Variants in NIBAN2 observed in about 807,000 individuals in gnomAD.
NIBAN2 encodes the protein niban apoptosis regulator 2, also known as protein Niban 2.
In NIBAN2, 36 loss-of-function variants were observed where a neutral mutation model predicts 81.8. The ratio of observed to expected loss-of-function variants is 0.44; its 90% CI spans 0.34 to 0.58. The LOEUF (loss-of-function observed/expected upper bound fraction) is 0.58, where lower values mean the gene tolerates loss of function less well. Among genes scored for constraint, NIBAN2 ranks in the 20% least tolerant of loss-of-function variants. The pLI, the probability that NIBAN2 is intolerant of heterozygous loss-of-function variation, is 0.02. For synonymous variants in NIBAN2, 445 were observed against 441.6 expected, an observed-to-expected ratio of 1.01 and a Z score of -0.10; for missense variants, 897 against 1,014.1, an observed-to-expected ratio of 0.88 and a Z score of 1.57.
intron 8 of NIBAN2, among the ~76,000 whole-genome samples, chr9:127,515,403 C>A (rs1355092092): frequency 6.6e-6 from 1 of 151,970 alleles, no homozygotes; most frequent in African/African-American, 2.4e-5. Context: ...CGCCTGTAGT[C>A]CCAGCTACTC....
Position 127,533,081 on chromosome 9 carries a change from C to G in NIBAN2, c.56-1303G>C, listed in dbSNP as rs574398184. On this transcript the variant is annotated intron_variant, in intron 1 of 13. Coordinates refer to ENST00000373312, the MANE Select transcript of NIBAN2 (RefSeq NM_022833.4). ...GCTGAGACAGGAGAATCACTTGAAC[C>G]CAGGAGGCAGAGGTTGCAATGAACC... 2.0e-5 allele frequency among the ~76,000 whole-genome samples: 3 copies of G among 151,500 alleles called. No individual in the cohort carries two copies. The East Asian group carries it at 5.8e-4, about 29-fold the overall frequency.
At chr9:127,562,744 C>T (rs1040385389) in intron 1 of NIBAN2, among the ~76,000 whole-genome samples, 4 of 152,206 alleles carry the variant, frequency 2.6e-5, no homozygotes, top group Non-Finnish European at 5.9e-5. Flanking sequence ...AAAAGAAACA[C>T]ACACAGTGGC....
intron 2 of NIBAN2, among the ~76,000 whole-genome samples, chr9:127,528,636 T>G (rs1837121876): frequency 6.6e-6 from 1 of 152,116 alleles, no homozygotes; most frequent in Admixed American, 6.5e-5. Context: ...CAATAGGACC[T>G]GCAGGCTTCT....
chr9:127,529,968 G>A (rs1057442354), intron 2 of NIBAN2, among the ~76,000 whole-genome samples: 6 of 152,164 alleles, frequency 3.9e-5, no homozygotes, highest in Admixed American at 2.6e-4. Context: ...TGCCTCCCCA[G>A]ACTTAAATGA....
In NIBAN2 at chr9:127,559,923, A is replaced by T. The variant is rs547764140; in HGVS notation, c.55+8897T>A. Among the ~76,000 whole-genome samples, 8 of 152,322 alleles carry T rather than the reference A, an allele frequency of 5.3e-5. No homozygotes were observed. In the East Asian group the frequency reaches 1.5e-3, roughly 29 times the overall value. On this transcript the variant is annotated intron_variant, in intron 1 of 13. Coordinates refer to ENST00000373312, the MANE Select transcript of NIBAN2 (RefSeq NM_022833.4). This position sits in a 1 kb window ranked among gnomAD's most constrained non-coding sequence, Gnocchi z 4.0. ...AAGCACAAAGAGCTAAGGCCACATC[A>T]TCTCACCGACCCTGCACAACAGCCT... is the stretch of plus-strand genomic sequence containing the variant.
rs146201580 is a variant in NIBAN2 at position 127,531,757 on chromosome 9, G to T, written c.77C>A (p.Thr26Lys). Residue 26 changes from threonine (T) to lysine (K), a missense_variant, in exon 2 of 14, where the codon ACG becomes AAG. Around this residue, in one of 3 missense-constraint regions of NIBAN2, gnomAD observed 209 missense variants for 208.4 expected, o/e 1.00. Transcript: ENST00000373312. ...GTCTTCATAGAACTGGAGGAACTCC[G>T]TCAGGATCTTCCCGGTTTTTTCTGG... ...HIAEKTGKIL[T>K]EFLQFYEDQY... is the part of the protein sequence containing the mutation. The T allele has an allele frequency of 9.3e-6, 15 of 1,614,088 alleles. No individual in the cohort carries two copies. The African/African-American group carries it at 1.5e-4, about 16-fold the overall frequency.
At chr9:127,574,669 A>T (rs2132248401) in intron 1 of NIBAN2, among the ~76,000 whole-genome samples, 1 of 152,246 alleles carries the variant, frequency 6.6e-6, no homozygotes, top group East Asian at 1.9e-4. Flanking sequence ...ACCAGGAGAA[A>T]AAAAACAAAC....
chr9:127,556,417 T>C (rs1837671617), intron 1 of NIBAN2, among the ~76,000 whole-genome samples: 5 of 152,176 alleles, frequency 3.3e-5, no homozygotes, highest in Admixed American at 3.3e-4. Flanking sequence ...CAGAGAGCTT[T>C]GGGATCCCCA....
chr9:127,531,926 T>C (rs1813071199), intron 1 of NIBAN2, 148 bp from the exon 2 acceptor site: 1 of 1,123,040 alleles, frequency 8.9e-7, no homozygotes, highest in Admixed American at 2.7e-5. Context: ...TGCGCTGCAT[T>C]TCTGGCCAGA....
intron 1 of NIBAN2, among the ~76,000 whole-genome samples, chr9:127,532,021 T>C (rs923644080): frequency 2.0e-5 from 3 of 152,056 alleles, no homozygotes; most frequent in Admixed American, 6.5e-5. Context: ...AGACAGAGAA[T>C]CAAACAAATG....
chr9:127,557,429 C>G (rs949642206), intron 1 of NIBAN2, among the ~76,000 whole-genome samples: 1 of 150,176 alleles, frequency 6.7e-6, no homozygotes, highest in Non-Finnish European at 1.5e-5. Flanking sequence ...GGCCTCCCAT[C>G]TACAGAGCTG....
At chr9:127,544,137 ACATTC>A (rs1448933933) in intron 1 of NIBAN2, among the ~76,000 whole-genome samples, 1 of 152,182 alleles carries the variant, frequency 6.6e-6, no homozygotes, top group African/African-American at 2.4e-5. Flanking sequence ...CTCTGCTGGG[ACATTC>A]CTTGCTCGAC....
chr9:127,564,762 A>G (rs1030202534), intron 1 of NIBAN2, among the ~76,000 whole-genome samples: 2 of 151,700 alleles, frequency 1.3e-5, no homozygotes, highest in Admixed American at 1.3e-4. Flanking sequence ...AATCCCAGCT[A>G]CTCAGGAGGC....
chr9:127,519,442 C>A (rs1329053461), intron 5 of NIBAN2, among the ~76,000 whole-genome samples: 1 of 152,220 alleles, frequency 6.6e-6, no homozygotes, highest in Admixed American at 6.5e-5. Context: ...GTGCCTCTGA[C>A]CACCGCATCC....
rs201420442 is a variant in NIBAN2, at chr9:127,508,567, C to T, written c.1318-29G>A. 713 of 1,573,790 alleles carry T rather than the reference C, an allele frequency of 4.5e-4. No individual in the cohort carries two copies. In the African/African-American group the frequency reaches 8.3e-3, roughly 18 times the overall value. ...CAGGGCATACCGCGGACATGTGAAG[C>T]CCCCAGGGTGACCACAGCCCCTTCC... On this transcript the variant is annotated intron_variant, in intron 10 of 13. Transcript: ENST00000373312. The surrounding 1 kb of genome is among the most constrained non-coding windows in gnomAD (Gnocchi z 6.4).
chr9:127,572,088 G>A (rs891121794), upstream of NIBAN2, among the ~76,000 whole-genome samples: 8 of 152,212 alleles, frequency 5.3e-5, no homozygotes, highest in South Asian at 1.7e-3. Flanking sequence ...AGGCTGGAGT[G>A]CAGTGGTGCA....
chr9:127,533,961 G>A (rs938563236), intron 1 of NIBAN2, among the ~76,000 whole-genome samples: 13 of 152,244 alleles, frequency 8.5e-5, no homozygotes, highest in African/African-American at 3.1e-4. Context: ...CTATGGCCTT[G>A]AAGGCAGGCC....
chr9:127,510,131 C>T lies in NIBAN2; in HGVS notation c.1161+15G>A, dbSNP rs1187929497. ...CTCTCAGGAGACCCCCTCCTAGGGG[C>T]GGTGCCGGCCTCACCTCGCCCAGCT... On this transcript the variant is annotated intron_variant, in intron 9 of 13. Transcript: ENST00000373312. The T allele has an allele frequency of 5.0e-6, 8 of 1,596,604 alleles. No individual in the cohort carries two copies. The highest frequency in any genetic ancestry group is 2.2e-5 in the East Asian group (1 of 44,566).
rs1039064475 is a variant in NIBAN2 at position 127,559,747 on chromosome 9, G to A, written c.55+9073C>T. ...CCTCCTGGATGCCCAGTTACTCCCT[G>A]GGCCCCCACCCCTGCACGTGGACCC... is the stretch of plus-strand genomic sequence containing the variant. On this transcript the variant is annotated intron_variant, in intron 1 of 13. Transcript: ENST00000373312. This position sits in a 1 kb window ranked among gnomAD's most constrained non-coding sequence, Gnocchi z 4.0. Among the ~76,000 whole-genome samples, 7 of 152,276 alleles carry A rather than the reference G, an allele frequency of 4.6e-5. No homozygotes were observed. Among genetic ancestry groups the A allele is most frequent in the African/African-American group, 1.7e-4 (7 of 41,544 alleles).
Sources: gnomAD v4.1 joint callset for allele counts (sites outside exome capture counted in the v4.1 genomes callset) on GRCh38, gnomAD v4.1.1 for gene constraint, gnomAD v4.1.1 regional missense constraint, Gnocchi (gnomAD v3.1) non-coding constraint, MANE v1.5 for transcripts, NCBI Gene and HGNC (gene_info 2026-07-23, HGNC 2026-07-21) for gene names.